GRIN2B: variants seen among roughly 807,000 people sequenced by gnomAD.
GRIN2B encodes the protein glutamate ionotropic receptor NMDA type subunit 2B.
A neutral mutation model predicts 114.5 loss-of-function variants in GRIN2B; 5 were observed. The ratio of observed to expected loss-of-function variants is 0.04; its 90% CI spans 0.02 to 0.09. The LOEUF is 0.09. Among genes scored for constraint, GRIN2B ranks in the 10% least tolerant of loss-of-function variants. GRIN2B has a pLI of 1.00. For synonymous variants in GRIN2B, 787 were observed against 745.1 expected (o/e 1.06, Z -0.92); for missense variants, 1,108 against 1,943.5 (o/e 0.57, Z 8.08).
intron 10 of GRIN2B, among the ~76,000 whole-genome samples, chr12:13,607,367 TTATATATTA>T (rs1404427209): frequency 0.24 from 11,955 of 49,628 alleles, 2,355 homozygotes; most frequent in Middle Eastern, 0.35. Flanking sequence ...ATAATATATA[TTATATATTA>T]TATATATAAT....
At chr12:13,646,533 G>A (rs900422199) in intron 5 of GRIN2B, among the ~76,000 whole-genome samples, 2 of 152,088 alleles carry the variant, frequency 1.3e-5, no homozygotes, top group African/African-American at 4.8e-5. Flanking sequence ...GTGATACAAT[G>A]TCACTCCCTT....
At chr12:13,949,463 A>C (rs1223941061) in intron 2 of GRIN2B, among the ~76,000 whole-genome samples, 1 of 152,102 alleles carries the variant, frequency 6.6e-6, no homozygotes, top group East Asian at 1.9e-4. Flanking sequence ...ACTCAACCAG[A>C]GGGACCACAG....
chr12:13,661,874 T>C (rs1949926997), intron 5 of GRIN2B, among the ~76,000 whole-genome samples: 1 of 152,190 alleles, frequency 6.6e-6, no homozygotes, highest in Non-Finnish European at 1.5e-5. Flanking sequence ...TAAATATACC[T>C]TTTAGGCCGT....
At chr12:13,813,235 T>C (rs955429068) in intron 3 of GRIN2B, among the ~76,000 whole-genome samples, 1 of 152,018 alleles carries the variant, frequency 6.6e-6, no homozygotes, top group Non-Finnish European at 1.5e-5. Context: ...GTGCCCGGCC[T>C]GGGAAATTTT....
intron 3 of GRIN2B, among the ~76,000 whole-genome samples, chr12:13,862,073 C>T (rs1459835012): frequency 1.3e-5 from 2 of 152,188 alleles, no homozygotes; most frequent in Non-Finnish European, 2.9e-5. Context: ...CCGAATCCAG[C>T]TTGGACTCTA....
chr12:13,889,090 GC>G (rs1182722015), intron 2 of GRIN2B, among the ~76,000 whole-genome samples: 1 of 152,044 alleles, frequency 6.6e-6, no homozygotes, highest in Non-Finnish European at 1.5e-5. Flanking sequence ...CATTCTATAA[GC>G]TTTTTTCTAT....
intron 2 of GRIN2B, among the ~76,000 whole-genome samples, chr12:13,934,035 T>C (rs111948006): frequency 6.6e-6 from 1 of 152,234 alleles, no homozygotes; most frequent in Non-Finnish European, 1.5e-5. Context: ...TATATGCACA[T>C]AGAGGCATGA....
intron 3 of GRIN2B, among the ~76,000 whole-genome samples, chr12:13,845,268 T>C (rs943412111): frequency 9.2e-5 from 14 of 152,204 alleles, no homozygotes; most frequent in African/African-American, 3.4e-4. Flanking sequence ...ATATATAGGC[T>C]TTCTACTATA....
At chr12:13,733,229 G>A (rs1026731074) in intron 4 of GRIN2B, among the ~76,000 whole-genome samples, 7 of 152,096 alleles carry the variant, frequency 4.6e-5, no homozygotes, top group Admixed American at 2.6e-4. Context: ...ACTCAACCTT[G>A]GGCATGCTGA....
chr12:13,831,784 A>G (rs1865152542), intron 3 of GRIN2B, among the ~76,000 whole-genome samples: 1 of 152,190 alleles, frequency 6.6e-6, no homozygotes, highest in Non-Finnish European at 1.5e-5. Context: ...CCTTATAAAC[A>G]CTGTGTGCTG....
At chr12:13,858,233 GACA>G (rs1388859992) in intron 3 of GRIN2B, among the ~76,000 whole-genome samples, 2 of 152,118 alleles carry the variant, frequency 1.3e-5, no homozygotes, top group Non-Finnish European at 2.9e-5. Context: ...CTCAGAGTTT[GACA>G]AAAAATAAAT....
chr12:13,753,457 G>T lies in GRIN2B; in HGVS notation c.870C>A (p.Pro290=), dbSNP rs1124894. Reference sequence around the variant, plus strand: ...TGGCAATTCCATCTCTCACTCTGGCGGGGAGGCCATAGTCCCATTCATCAT... The same window carrying T: ...TGGCAATTCCATCTCTCACTCTGGCTGGGAGGCCATAGTCCCATTCATCAT... ...VSYDEWDYGL[P]ARVRDGIAII... The change falls in exon 4 of 14, where the codon CCC becomes CCA. Residue 290 remains proline, a synonymous_variant. Transcript: ENST00000609686. The surrounding 1 kb of genome is among the most constrained non-coding windows in gnomAD (Gnocchi z 6.2). The T allele has an allele frequency of 1.2e-6, 2 of 1,613,768 alleles. No individual in the cohort carries two copies. Among genetic ancestry groups the T allele is most frequent in the Admixed American group, 3.3e-5 (2 of 59,994 alleles).
At chr12:13,715,081 A>ATGG (rs945258030) in intron 4 of GRIN2B, among the ~76,000 whole-genome samples, 1 of 151,780 alleles carries the variant, frequency 6.6e-6, no homozygotes, top group African/African-American at 2.4e-5. Flanking sequence ...ACGTTGATGG[A>ATGG]TGGTGGTGGT....
intron 4 of GRIN2B, among the ~76,000 whole-genome samples, chr12:13,738,598 T>C (rs894343583): frequency 2.6e-5 from 4 of 152,154 alleles, no homozygotes; most frequent in Admixed American, 2.0e-4. Flanking sequence ...AATTTTGAAG[T>C]TCATAGCACC....
rs1439893571 is a variant in GRIN2B at position 13,542,373 on chromosome 12, T to G, written c.*20410A>C. ...AGATTTCCTGTGAAAATGTGTACTT[T>G]CCAGGATAAATAGTCAAAATGTGGT... is the stretch of plus-strand genomic sequence containing the variant. On this transcript the variant is annotated 3_prime_UTR_variant, in exon 14 of 14. Coordinates refer to ENST00000609686, the MANE Select transcript of GRIN2B (RefSeq NM_000834.5). The G allele has an allele frequency of 6.6e-5, 10 of 152,198 alleles. No individual in the cohort carries two copies. The highest frequency in any genetic ancestry group is 6.5e-4 in the Admixed American group (10 of 15,282). The allele number at this position is 152,198 out of a possible 1,614,324, so 9.4% of individuals were successfully genotyped here.
chr12:13,977,818 C>T (rs2136879424), intron 2 of GRIN2B, among the ~76,000 whole-genome samples: 1 of 152,284 alleles, frequency 6.6e-6, no homozygotes, highest in African/African-American at 2.4e-5. Context: ...GCACAGACCA[C>T]CTGTGGCGAT....
intron 3 of GRIN2B, among the ~76,000 whole-genome samples, chr12:13,865,564 G>A (rs1865813089): frequency 6.6e-6 from 1 of 152,096 alleles, no homozygotes; most frequent in Admixed American, 6.5e-5. Context: ...CCTGGGAAGT[G>A]GAGGTTGCAG....
chr12:13,876,760 TG>T, intron 2 of GRIN2B, among the ~76,000 whole-genome samples: 1 of 152,336 alleles, frequency 6.6e-6, no homozygotes, highest in Middle Eastern at 3.4e-3. Context: ...TCACTGCTTT[TG>T]CTAGTAACAA....
At chr12:13,902,156 A>G (rs557592430) in intron 2 of GRIN2B, among the ~76,000 whole-genome samples, 17 of 152,304 alleles carry the variant, frequency 1.1e-4, no homozygotes, top group African/African-American at 4.1e-4. Flanking sequence ...AATGTAATGT[A>G]AAATAAATCT....
Sources: gnomAD v4.1 joint callset for allele counts (sites outside exome capture counted in the v4.1 genomes callset) on GRCh38, gnomAD v4.1.1 for gene constraint, Gnocchi (gnomAD v3.1) non-coding constraint, MANE v1.5 for transcripts, NCBI Gene and HGNC (gene_info 2026-07-23, HGNC 2026-07-21) for gene names.